The following FRMD4B variants were observed in gnomAD, a reference collection of about 807,000 sequenced individuals.
FRMD4B encodes FERM domain containing 4B.
FRMD4B carries 74 observed loss-of-function variants against 141.5 expected under a neutral mutation model. That is an observed-to-expected ratio of 0.52 (90% CI 0.43 to 0.63). The LOEUF (loss-of-function observed/expected upper bound fraction) is 0.63, where lower values mean the gene tolerates loss of function less well. Among genes scored for constraint, FRMD4B ranks in the 30% least tolerant of loss-of-function variants. The pLI is 0.00. For missense variants in FRMD4B, 1,366 were observed against 1,253.4 expected, an observed-to-expected ratio of 1.09 and a Z score of -1.36; for synonymous variants, 506 against 467.9, an observed-to-expected ratio of 1.08 and a Z score of -1.05.
upstream of FRMD4B, among the ~76,000 whole-genome samples, chr3:69,388,732 G>A (rs1372601536): frequency 3.9e-5 from 6 of 152,064 alleles, no homozygotes; most frequent in African/African-American, 7.2e-5. Context: ...TCTTTAGCAC[G>A]GTGTCTGGTG....
At chr3:69,481,898 G>T (rs980352345) in intron 1 of FRMD4B, among the ~76,000 whole-genome samples, 2 of 152,132 alleles carry the variant, frequency 1.3e-5, no homozygotes, top group Non-Finnish European at 2.9e-5. Flanking sequence ...GCGAAATAAG[G>T]TTTAACAGAG....
chr3:69,486,704 C>G (rs1706221568), intron 1 of FRMD4B, among the ~76,000 whole-genome samples: 1 of 152,080 alleles, frequency 6.6e-6, no homozygotes, highest in Non-Finnish European at 1.5e-5. Context: ...ATAAAAGAAG[C>G]CCCAAAGCAA....
Position 69,322,364 on chromosome 3 carries a change from A to G in FRMD4B, c.163-8847T>C, listed in dbSNP as rs533167415. Among the ~76,000 whole-genome samples the G allele has an allele frequency of 4.6e-5, 7 of 152,256 alleles. No individual in the cohort carries two copies. The East Asian group carries it at 1.4e-3, about 29-fold the overall frequency. On this transcript the variant is annotated intron_variant, in intron 1 of 22. Transcript: ENST00000398540. ...GCCTAGACTGACACAGATGTCTCCA[A>G]ATGGAGTCAGCTGTGATTTTCCCTC...
At chr3:69,402,225 G>A (rs1355892341) in intron 2 of FRMD4B, among the ~76,000 whole-genome samples, 1 of 152,208 alleles carries the variant, frequency 6.6e-6, no homozygotes, top group East Asian at 1.9e-4. Context: ...TGCCCATTAA[G>A]ACCAAAGGGG....
rs141768180 is a variant in FRMD4B at position 69,484,541 on chromosome 3, G to T, written c.-128-51780C>A. On this transcript the variant is annotated intron_variant, in intron 1 of 5. Coordinates refer to the FRMD4B transcript ENST00000459638. Reference sequence around the variant, plus strand: ...TGTTAGAATAGCTCAGAGGAGACCCGCAGTGATTAGCTCCTATCTGTAGGC... The same window carrying T: ...TGTTAGAATAGCTCAGAGGAGACCCTCAGTGATTAGCTCCTATCTGTAGGC... Among the ~76,000 whole-genome samples, 58 of 152,208 alleles carry T rather than the reference G, an allele frequency of 3.8e-4. 1 individual carries two copies. In the East Asian group the frequency reaches 0.011, roughly 28 times the overall value.
At chr3:69,486,777 T>C (rs1035746111) in intron 1 of FRMD4B, among the ~76,000 whole-genome samples, 2 of 152,180 alleles carry the variant, frequency 1.3e-5, no homozygotes, top group Admixed American at 6.5e-5. Flanking sequence ...AGAAAACCCA[T>C]ACACTGATGT....
chr3:69,189,513 A>G lies in FRMD4B; in HGVS notation c.1771+383T>C, dbSNP rs141298997. Reference sequence around the variant, plus strand: ...TGATATTGGACTCCAGATATATAAGATGTCACCATTGGGAAAAGCTGGGTG... The same window carrying G: ...TGATATTGGACTCCAGATATATAAGGTGTCACCATTGGGAAAAGCTGGGTG... On this transcript the variant is annotated intron_variant, in intron 18 of 22. Transcript: ENST00000398540. Among the ~76,000 whole-genome samples the G allele has an allele frequency of 1.7e-3, 255 of 152,326 alleles. 1 individual carries two copies. The highest frequency in any genetic ancestry group is 3.9e-3 in the South Asian group (19 of 4,816).
intron 1 of FRMD4B, among the ~76,000 whole-genome samples, chr3:69,384,886 A>C (rs956902147): frequency 1.3e-4 from 20 of 152,206 alleles, no homozygotes; most frequent in Admixed American, 8.5e-4. Flanking sequence ...TATTAGGAAC[A>C]GGGTCAAATG....
chr3:69,363,181 A>G (rs896394848), intron 1 of FRMD4B, among the ~76,000 whole-genome samples: 1 of 151,634 alleles, frequency 6.6e-6, no homozygotes, highest in African/African-American at 2.4e-5. Flanking sequence ...CATGGTTGCA[A>G]TATAGCTGCC....
At chr3:69,472,937 T>C (rs200988104) in intron 1 of FRMD4B, among the ~76,000 whole-genome samples, 106 of 107,194 alleles carry the variant, frequency 9.9e-4, no homozygotes, top group African/African-American at 3.1e-3. Flanking sequence ...TTTTTTTTTT[T>C]CTTTTTTTTT....
At chr3:69,245,907 G>A (rs1321379169) in intron 7 of FRMD4B, among the ~76,000 whole-genome samples, 3 of 136,518 alleles carry the variant, frequency 2.2e-5, no homozygotes, top group African/African-American at 5.6e-5. Flanking sequence ...GTGTGATCTC[G>A]GCTCACCACA....
intron 7 of FRMD4B, among the ~76,000 whole-genome samples, chr3:69,240,968 C>A (rs4855302): frequency 0.87 from 132,822 of 152,154 alleles, 59,321 homozygotes; most frequent in Non-Finnish European, 0.96. Context: ...CTCAGCCAGC[C>A]GCTACCTGAA....
chr3:69,255,672 C>G (rs1330431687), intron 5 of FRMD4B, among the ~76,000 whole-genome samples: 1 of 152,184 alleles, frequency 6.6e-6, no homozygotes, highest in African/African-American at 2.4e-5. Flanking sequence ...ATAATTACTT[C>G]TTTCCCTATG....
At chr3:69,289,601 T>C (rs1422248417) in intron 4 of FRMD4B, among the ~76,000 whole-genome samples, 1 of 144,332 alleles carries the variant, frequency 6.9e-6, no homozygotes, top group Non-Finnish European at 1.5e-5. Context: ...TTCCAGACCA[T>C]CCTGGCCACC....
At chr3:69,376,194 G>C (rs1286678326) in intron 1 of FRMD4B, among the ~76,000 whole-genome samples, 1 of 151,996 alleles carries the variant, frequency 6.6e-6, no homozygotes, top group Non-Finnish European at 1.5e-5. Context: ...CTAGGGAGTG[G>C]GAAGAGGTAC....
chr3:69,520,775 A>C (rs1167754372), intron 1 of FRMD4B, among the ~76,000 whole-genome samples: 1 of 152,060 alleles, frequency 6.6e-6, no homozygotes, highest in Non-Finnish European at 1.5e-5. Flanking sequence ...GCTCCTTGAG[A>C]TCTCTTCCCA....
intron 7 of FRMD4B, among the ~76,000 whole-genome samples, chr3:69,244,952 C>T (rs1472947003): frequency 2.0e-5 from 3 of 152,002 alleles, no homozygotes; most frequent in African/African-American, 7.3e-5. Context: ...ATAAATAAGG[C>T]CATGATGAAC....
chr3:69,418,542 A>G (rs1704913131), intron 2 of FRMD4B, among the ~76,000 whole-genome samples: 1 of 152,230 alleles, frequency 6.6e-6, no homozygotes, highest in Admixed American at 6.5e-5. Context: ...GATTAGAGCG[A>G]AAGACGTTCT....
At chr3:69,280,785 A>T (rs934745619) in intron 5 of FRMD4B, among the ~76,000 whole-genome samples, 1 of 149,698 alleles carries the variant, frequency 6.7e-6, no homozygotes, top group African/African-American at 2.5e-5. Flanking sequence ...AAGCCTGGCT[A>T]ATTTTTGTAT....
Sources: gnomAD v4.1 joint callset for allele counts (sites outside exome capture counted in the v4.1 genomes callset) on GRCh38, gnomAD v4.1.1 for gene constraint, MANE v1.5 for transcripts, NCBI Gene and HGNC (gene_info 2026-07-23, HGNC 2026-07-21) for gene names.